PRKX: variants seen among roughly 807,000 people sequenced by gnomAD.
PRKX encodes protein kinase cAMP-dependent X-linked catalytic subunit.
In PRKX, 12 loss-of-function variants were observed where a neutral mutation model predicts 22.0. The ratio of observed to expected loss-of-function variants is 0.54; its 90% CI spans 0.35 to 0.88. The LOEUF (loss-of-function observed/expected upper bound fraction) is 0.88, where lower values mean the gene tolerates loss of function less well. Among genes scored for constraint, PRKX ranks in the 40% least tolerant of loss-of-function variants. The pLI, the probability that PRKX is intolerant of heterozygous loss-of-function variation, is 0.01. For synonymous variants in PRKX, 134 were observed against 137.7 expected (o/e 0.97, Z 0.19); for missense variants, 217 against 308.0 (o/e 0.70, Z 2.21).
intron 1 of PRKX, among the ~76,000 whole-genome samples, chrX:3,704,228 G>A (rs977194808): frequency 9.0e-5 from 10 of 111,658 alleles, no homozygotes; most frequent in African/African-American, 2.6e-4. Context: ...GGAAAAAAAG[G>A]GGCCTGCCAA....
intron 3 of PRKX, among the ~76,000 whole-genome samples, chrX:3,644,630 G>A (rs1011359859): frequency 1.8e-5 from 2 of 110,649 alleles, no homozygotes; most frequent in African/African-American, 3.3e-5. Flanking sequence ...AGTACAATGC[G>A]CACTATTTTA....
At chrX:3,697,154 GA>G (rs1470639030) in intron 1 of PRKX, among the ~76,000 whole-genome samples, 1 of 112,171 alleles carries the variant, frequency 8.9e-6, no homozygotes, top group Non-Finnish European at 1.9e-5. Flanking sequence ...AGAAGTCTGA[GA>G]CCAGCTTGGA....
At chrX:3,650,562 C>T (rs183255406) in intron 3 of PRKX, among the ~76,000 whole-genome samples, 76 of 91,035 alleles carry the variant, frequency 8.3e-4, no homozygotes, top group African/African-American at 3.0e-3. Flanking sequence ...GAGAAACAGA[C>T]TTCTTTCTGG....
At position 3,713,543 on chromosome X, in the gene PRKX, G is replaced by A. The variant is rs1928839538; in HGVS notation, c.-290C>T. On this transcript the variant is annotated 5_prime_UTR_variant, in exon 1 of 9. Coordinates refer to ENST00000262848, the MANE Select transcript of PRKX (RefSeq NM_005044.5). The stretch of plus-strand genomic sequence containing the variant: ...CGGGGAAGGCGGGGGCCGCGGCCCG[G>A]GCTGGGGGGGGCGAGGCGGGGGCCC... 1 of 202,448 alleles carries A rather than the reference G, an allele frequency of 4.9e-6. No homozygotes were observed. The highest frequency in any genetic ancestry group is 7.5e-5 in the Admixed American group (1 of 13,378). The allele number at this position is 202,448 out of a possible 1,213,427, so 16.7% of individuals were successfully genotyped here.
chrX:3,677,019 T>C (rs1311816500), intron 1 of PRKX, among the ~76,000 whole-genome samples: 1 of 111,633 alleles, frequency 9.0e-6, no homozygotes, highest in African/African-American at 3.3e-5. Context: ...GTCTCAGGTA[T>C]GTCTTCATTA....
intron 1 of PRKX, among the ~76,000 whole-genome samples, chrX:3,691,331 G>A (rs1928320433): frequency 9.0e-6 from 1 of 111,359 alleles, no homozygotes; most frequent in Non-Finnish European, 1.9e-5. Flanking sequence ...AGAACTCGCC[G>A]TGCCTCAAGG....
At chrX:3,697,605 G>C (rs1928469995) in intron 1 of PRKX, among the ~76,000 whole-genome samples, 1 of 109,144 alleles carries the variant, frequency 9.2e-6, no homozygotes, top group South Asian at 4.0e-4. Context: ...GAGTAGAGTG[G>C]TGTGATTATG....
At chrX:3,628,593 G>A (rs185755739) in intron 4 of PRKX, among the ~76,000 whole-genome samples, 7 of 111,150 alleles carry the variant, frequency 6.3e-5, no homozygotes, top group Non-Finnish European at 1.1e-4. Flanking sequence ...TATATTAGCT[G>A]AGTGTGGTGG....
chrX:3,611,241 G>A (rs1926289589), intron 8 of PRKX: 1 of 112,255 alleles, frequency 8.9e-6, no homozygotes, highest in Admixed American at 9.5e-5. Flanking sequence ...CAGCAGGTTG[G>A]TTCCTCTCCC....
At chrX:3,706,004 A>T (rs1928677327) in intron 1 of PRKX, among the ~76,000 whole-genome samples, 1 of 37,829 alleles carries the variant, frequency 2.6e-5, no homozygotes. Flanking sequence ...TTTTTCTTTA[A>T]AAAAAAAAAA....
intron 7 of PRKX, among the ~76,000 whole-genome samples, chrX:3,613,875 AAAAAAGAAG>A (rs1303397375): frequency 2.9e-5 from 3 of 101,998 alleles, no homozygotes; most frequent in South Asian, 4.7e-4. Context: ...AAAAAAAAAA[AAAAAAGAAG>A]CGTATCATCC....
intron 1 of PRKX, among the ~76,000 whole-genome samples, chrX:3,676,916 C>G (rs1421775964): frequency 8.9e-6 from 1 of 112,204 alleles, no homozygotes; most frequent in East Asian, 2.8e-4. Flanking sequence ...CGTGACTTTG[C>G]TCCTCCTTTT....
rs193154853 is a variant in PRKX at position 3,680,246 on chromosome X, C to T, written c.167-5480G>A. 5.7e-3 allele frequency among the ~76,000 whole-genome samples: 625 copies of T among 110,569 alleles called. 6 individuals are homozygous for T. The highest frequency in any genetic ancestry group is 0.019 in the African/African-American group (586 of 30,383). Reference sequence around the variant, plus strand: ...GCAACCTCTGCCTCCTGGGTTCAAGCGATTCTCCTGCCTCAGCCTCCAAAG... The same window carrying T: ...GCAACCTCTGCCTCCTGGGTTCAAGTGATTCTCCTGCCTCAGCCTCCAAAG... On this transcript the variant is annotated intron_variant, in intron 1 of 8. Transcript: ENST00000262848.
chrX:3,628,084 C>T (rs775204842), intron 4 of PRKX, among the ~76,000 whole-genome samples: 1 of 111,351 alleles, frequency 9.0e-6, no homozygotes, highest in East Asian at 2.8e-4. Context: ...GAATACAATC[C>T]TCTGACTGGC....
At position 3,633,256 on chromosome X, in the gene PRKX, G is replaced by GAAAA. The variant is rs373830482; in HGVS notation, c.720-6746_720-6743dup. On this transcript the variant is annotated intron_variant, in intron 4 of 8. Transcript: ENST00000262848. ...CACAGAACAAGACCCTGTCTCAAAA[G>GAAAA]AAAAAAAAAAAAAACAAAAAAAACG... Among the ~76,000 whole-genome samples the GAAAA allele has an allele frequency of 8.5e-5, 5 of 58,998 alleles. 1 individual carries two copies. The highest frequency in any genetic ancestry group is 2.0e-4 in the Admixed American group (1 of 4,900). 51.2% of individuals were successfully genotyped at this position (58,998 alleles called of 115,157 possible).
At chrX:3,625,405 A>T (rs1219371216) in intron 5 of PRKX, among the ~76,000 whole-genome samples, 4 of 112,114 alleles carry the variant, frequency 3.6e-5, no homozygotes, top group Non-Finnish European at 7.5e-5. Flanking sequence ...CATGGAAAAG[A>T]AAAGTTTAAT....
intron 1 of PRKX, among the ~76,000 whole-genome samples, chrX:3,692,353 T>C (rs1485364896): frequency 2.7e-5 from 3 of 109,697 alleles, no homozygotes; most frequent in African/African-American, 1.0e-4. Flanking sequence ...TCAAGTGCCC[T>C]GTGGGGGAAG....
chrX:3,674,909 G>A, intron 1 of PRKX, 143 bp from the exon 2 acceptor site: 1 of 641,128 alleles, frequency 1.6e-6, no homozygotes, highest in Non-Finnish European at 2.4e-6. Flanking sequence ...GTGTCATGGT[G>A]CACGTGGGCT....
chrX:3,657,361 TG>T (rs1395830175), intron 2 of PRKX, among the ~76,000 whole-genome samples: 3 of 110,550 alleles, frequency 2.7e-5, no homozygotes, highest in Non-Finnish European at 3.8e-5. Context: ...GAAGAGGAGA[TG>T]AGGACACAGA....
Sources: gnomAD v4.1 joint callset for allele counts (sites outside exome capture counted in the v4.1 genomes callset) on GRCh38, gnomAD v4.1.1 for gene constraint, MANE v1.5 for transcripts, NCBI Gene and HGNC (gene_info 2026-07-23, HGNC 2026-07-21) for gene names.